Variants in FAM161B observed in about 807,000 individuals in gnomAD.
FAM161B encodes the protein protein FAM161B.
FAM161B carries 46 observed loss-of-function variants against 61.5 expected under a neutral mutation model. That is an observed-to-expected ratio of 0.75 (90% CI 0.59 to 0.96). The LOEUF (loss-of-function observed/expected upper bound fraction) is 0.96, where lower values mean the gene tolerates loss of function less well. FAM161B is among the 40% of genes least tolerant of loss of function. The probability of loss-of-function intolerance (pLI) is 0.00; values close to 1 mark genes in which losing one functional copy is unlikely to be tolerated. For missense variants in FAM161B, 774 were observed against 800.7 expected (o/e 0.97, Z 0.40); for synonymous variants, 284 against 302.7 (o/e 0.94, Z 0.64).
intron 3 of FAM161B, 112 bp from the exon 4 acceptor site, chr14:73,942,827 G>C: frequency 2.2e-6 from 2 of 923,822 alleles, no homozygotes; most frequent in Non-Finnish European, 3.2e-6. Context: ...AGGCAAGTAG[G>C]AACTTTTCAG....
chr14:73,941,049 G>GA lies in FAM161B; in HGVS notation c.1276dup (p.Ser426PhefsTer46). ...CAGGGGTGTAGCTGGTGGCTGTGGG[G>GA]AATCCTAGAAGAAACAAAGGTTGGT... On this transcript the variant is annotated frameshift_variant, in exon 5 of 9. Transcript: ENST00000286544. LOFTEE classifies it high-confidence loss of function. 6.2e-7 allele frequency: 1 copy of GA among 1,611,640 alleles called. No homozygotes were observed. Among genetic ancestry groups the GA allele is most frequent in the Admixed American group, 1.7e-5 (1 of 59,884 alleles).
At position 73,944,591 on chromosome 14, in the gene FAM161B, T is replaced by G; in HGVS notation, c.669A>C (p.Ala223=). 6.2e-7 allele frequency: 1 copy of G among 1,614,078 alleles called. No homozygotes were observed. Among genetic ancestry groups the G allele is most frequent in the Non-Finnish European group, 8.5e-7 (1 of 1,180,012 alleles). The part of the protein sequence containing the change: ...HRQFRAQPVP[A]HVYLPLYQEI... Reference sequence around the variant, plus strand: ...CTTGGTAGAGGGGCAGGTAGACATGTGCAGGCACAGGCTGTGCCCGGAACT... The same window carrying G: ...CTTGGTAGAGGGGCAGGTAGACATGGGCAGGCACAGGCTGTGCCCGGAACT... The change falls in exon 3 of 9, where the codon GCA becomes GCC. Residue 223 remains alanine, a synonymous_variant. Transcript: ENST00000286544.
chr14:73,928,866 T>G (rs992980851), downstream of FAM161B, among the ~76,000 whole-genome samples: 3 of 152,096 alleles, frequency 2.0e-5, no homozygotes, highest in African/African-American at 7.2e-5. Flanking sequence ...GAGGATCAAC[T>G]TGAGCCCAGG....
At position 73,938,171 on chromosome 14, in the gene FAM161B, A is replaced by G. The variant is rs2055986996; in HGVS notation, c.1401-59T>C. 1.9e-6 allele frequency: 3 copies of G among 1,584,828 alleles called. No individual in the cohort carries two copies. In the African/African-American group the frequency reaches 4.0e-5, roughly 21 times the overall value. On this transcript the variant is annotated intron_variant, in intron 5 of 8. Transcript: ENST00000286544. ...ACCAACCTGGGTATACTGAAAAGCAATCTTAGGCCAGGTGTGGTGGCTCAC... is the reference window on the plus strand; with the variant it reads ...ACCAACCTGGGTATACTGAAAAGCAGTCTTAGGCCAGGTGTGGTGGCTCAC...
Position 73,947,556 on chromosome 14 carries a change from A to T in FAM161B, c.55-951T>A, listed in dbSNP as rs148171926. Among the ~76,000 whole-genome samples, 759 of 152,252 alleles carry T rather than the reference A, an allele frequency of 5.0e-3. 5 individuals carry two copies. Among genetic ancestry groups the T allele is most frequent in the African/African-American group, 0.017 (712 of 41,554 alleles). On this transcript the variant is annotated intron_variant, in intron 1 of 8. Transcript: ENST00000286544. The stretch of plus-strand genomic sequence containing the variant: ...TGCACTGGGCATTTGGCTGAGAACA[A>T]GACAAACAAGGTCCTTACTCTCATG...
Position 73,934,223 on chromosome 14 carries a change from A to G in FAM161B, c.*33T>C, listed in dbSNP as rs376517200. The G allele has an allele frequency of 3.6e-5, 57 of 1,599,404 alleles. No individual in the cohort carries two copies. The African/African-American group carries it at 6.1e-4, about 17-fold the overall frequency. ...CTCAAACCCAAGTTAGCTGCTTAAT[A>G]TTTTTCAAAAGCAGTAATTTTAAGT... On this transcript the variant is annotated 3_prime_UTR_variant, in exon 9 of 9. Transcript: ENST00000286544.
rs376839266 is a variant in FAM161B at position 73,947,310 on chromosome 14, G to A, written c.55-705C>T. Among the ~76,000 whole-genome samples the A allele has an allele frequency of 1.1e-4, 16 of 151,504 alleles. 1 individual carries two copies. The highest frequency in any genetic ancestry group is 3.4e-4 in the African/African-American group (14 of 41,266). ...TGAGGCAGGAGAATCGCTTGAACCC[G>A]GGAGGCGGAGGTGGCAGTGAGATGA... On this transcript the variant is annotated intron_variant, in intron 1 of 8. Coordinates refer to ENST00000286544, the MANE Select transcript of FAM161B (RefSeq NM_152445.3).
intron 4 of FAM161B, among the ~76,000 whole-genome samples, chr14:73,941,640 T>C: frequency 6.6e-6 from 1 of 152,164 alleles, no homozygotes; most frequent in East Asian, 1.9e-4. Flanking sequence ...CTCTCAAGCC[T>C]GCTTGGACTT....
intron 4 of FAM161B, among the ~76,000 whole-genome samples, chr14:73,941,342 G>C (rs920295870): frequency 5.3e-5 from 8 of 152,048 alleles, no homozygotes; most frequent in Non-Finnish European, 1.0e-4. Context: ...GGCTGGTCTC[G>C]AATTCCTGAT....
Position 73,946,463 on chromosome 14 carries a change from C to T in FAM161B, c.197G>A (p.Ser66Asn). Reference protein sequence around the residue: ...EIDSTSDSTGSIYQNLQELKQ... With the variant: ...EIDSTSDSTGNIYQNLQELKQ... ...CAGTTCCTGTAAGTTCTGGTAAATGCTCCCAGTTGAGTCAGAAGTAGAATC... is the reference window on the plus strand; with the variant it reads ...CAGTTCCTGTAAGTTCTGGTAAATGTTCCCAGTTGAGTCAGAAGTAGAATC... The change falls in exon 2 of 9, where the codon AGC becomes AAC. Residue 66 changes from serine (S) to asparagine (N), a missense_variant. Physicochemically the swap from Ser to Asn is conservative, Grantham distance 46. Coordinates refer to ENST00000286544, the MANE Select transcript of FAM161B (RefSeq NM_152445.3). 1 of 1,614,218 alleles carries T rather than the reference C, an allele frequency of 6.2e-7. No homozygotes were observed. Among genetic ancestry groups the T allele is most frequent in the Non-Finnish European group, 8.5e-7 (1 of 1,180,048 alleles).
the FAM161B span, among the ~76,000 whole-genome samples, chr14:73,924,991 A>G: frequency 1.3e-5 from 2 of 151,906 alleles, no homozygotes; most frequent in Admixed American, 6.6e-5. Flanking sequence ...TCTTTTCATT[A>G]TAACCTTTAT....
chr14:73,937,657 T>C lies in FAM161B; in HGVS notation c.1610A>G (p.Glu537Gly), dbSNP rs769481003. ...KRAKEYKKEL[E>G]EMKQRIQTRP... is the part of the protein sequence containing the mutation. The stretch of plus-strand genomic sequence containing the variant: ...TGTTTGTATTCGCTGCTTCATTTCC[T>C]CCAGTTCTTTCTTATATTCTTTCGC... The change falls in exon 7 of 9, where the codon GAG (glutamate) becomes GGG (glycine). Residue 537 changes from glutamate (E) to glycine (G), a missense_variant. Glu to Gly is a moderately conservative substitution (Grantham distance 98). Transcript: ENST00000286544. The C allele has an allele frequency of 6.2e-7, 1 of 1,614,210 alleles. No homozygotes were observed. Among genetic ancestry groups the C allele is most frequent in the South Asian group, 1.1e-5 (1 of 91,074 alleles).
At chr14:73,927,162 T>C (rs1285815000), downstream of FAM161B, 2 of 252,482 alleles carry the variant, frequency 7.9e-6, no homozygotes, top group Non-Finnish European at 1.7e-5. Context: ...CTCGGCTCAC[T>C]GCAACCTCTA....
At chr14:73,928,428 A>C (rs1056419094), downstream of FAM161B, among the ~76,000 whole-genome samples, 1 of 152,192 alleles carries the variant, frequency 6.6e-6, no homozygotes, top group African/African-American at 2.4e-5. Context: ...GTCTCTTGAA[A>C]GGTCTTACAA....
chr14:73,949,804 G>T, intron 1 of FAM161B, 169 bp downstream of exon 1: 2 of 905,810 alleles, frequency 2.2e-6, no homozygotes, highest in Non-Finnish European at 3.3e-6. Context: ...CTCGTATAAA[G>T]TCCGAGAGGT....
intron 1 of FAM161B, among the ~76,000 whole-genome samples, chr14:73,946,963 G>A (rs1051357036): frequency 1.3e-5 from 2 of 152,038 alleles, no homozygotes; most frequent in Non-Finnish European, 2.9e-5. Flanking sequence ...CAGGAATCCT[G>A]CCCATGATGA....
intron 1 of FAM161B, among the ~76,000 whole-genome samples, chr14:73,947,117 G>A (rs2056073871): frequency 6.6e-6 from 1 of 152,154 alleles, no homozygotes; most frequent in African/African-American, 2.4e-5. Context: ...TGGGTGCAGT[G>A]GCTCATGCCT....
chr14:73,948,692 T>A (rs2056090982), intron 1 of FAM161B, among the ~76,000 whole-genome samples: 1 of 152,228 alleles, frequency 6.6e-6, no homozygotes, highest in African/African-American at 2.4e-5. Context: ...CATCACAATT[T>A]TAGAACACCT....
chr14:73,927,328 C>T (rs1353634383), downstream of FAM161B: 3 of 155,032 alleles, frequency 1.9e-5, no homozygotes, highest in Admixed American at 2.0e-4. Context: ...ATCCACCCGC[C>T]TCAGCCTCCC....
Sources: allele counts gnomAD v4.1 joint callset (sites outside exome capture counted in the v4.1 genomes callset), GRCh38; gene constraint gnomAD v4.1.1; transcripts MANE v1.5; gene names NCBI Gene and HGNC (gene_info 2026-07-23, HGNC 2026-07-21).